Variants in FAM135A observed in about 807,000 individuals in gnomAD.
FAM135A encodes the protein family with sequence similarity 135 member A.
In FAM135A, 79 loss-of-function variants were observed where a neutral mutation model predicts 146.8. That is an observed-to-expected ratio of 0.54 (90% confidence interval 0.45 to 0.65). The LOEUF (loss-of-function observed/expected upper bound fraction) is 0.65. Ranked by LOEUF, FAM135A falls within the 30% of genes least tolerant of loss-of-function variation. The pLI, the probability that FAM135A is intolerant of heterozygous loss-of-function variation, is 0.00. For synonymous variants in FAM135A, 562 were observed against 603.6 expected (o/e 0.93, Z 1.01); for missense variants, 1,623 against 1,758.2 (o/e 0.92, Z 1.38).
Position 70,413,632 on chromosome 6 carries a change from C to A in FAM135A, c.-290C>A. The A allele has an allele frequency of 9.2e-6, 2 of 216,598 alleles. No homozygotes were observed. Among genetic ancestry groups the A allele is most frequent in the Non-Finnish European group, 1.6e-5 (2 of 126,472 alleles). 13.4% of individuals were successfully genotyped at this position (216,598 alleles called of 1,614,324 possible). ...CGGGATGGTGCTGACCCGGGTCGGG[C>A]CGTCTTCTTGCAGCTGGACAACGAG... On this transcript the variant is annotated 5_prime_UTR_variant, in exon 1 of 22. Transcript: ENST00000418814.
intron 5 of FAM135A, among the ~76,000 whole-genome samples, chr6:70,455,588 G>A (rs545095589): frequency 5.5e-4 from 84 of 152,068 alleles, no homozygotes; most frequent in South Asian, 1.5e-3. Context: ...AATAAAACAA[G>A]GTGACATGAC....
chr6:70,413,747 C>A (rs867021629), intron 1 of FAM135A, 45 bp downstream of exon 1: 14 of 957,746 alleles, frequency 1.5e-5, no homozygotes, highest in Non-Finnish European at 9.9e-6. Flanking sequence ...CTCCCGACAC[C>A]CACGACCCCT....
chr6:70,495,864 A>G (rs1016024472), intron 11 of FAM135A, among the ~76,000 whole-genome samples: 6 of 151,934 alleles, frequency 3.9e-5, no homozygotes, highest in African/African-American at 1.5e-4. Context: ...TTCAACTCCC[A>G]CTTATGAGTG....
At chr6:70,474,100 C>T (rs918974410) in intron 5 of FAM135A, among the ~76,000 whole-genome samples, 13 of 152,116 alleles carry the variant, frequency 8.5e-5, no homozygotes, top group African/African-American at 3.1e-4. Context: ...CAGGCCACCA[C>T]CCCATGTGGA....
chr6:70,524,187 A>G, intron 14 of FAM135A, 66 bp downstream of exon 14: 2 of 1,465,470 alleles, frequency 1.4e-6, no homozygotes, highest in African/African-American at 1.4e-5. Context: ...TTCCTAATAT[A>G]CATAAAACCA....
intron 8 of FAM135A, among the ~76,000 whole-genome samples, chr6:70,479,477 A>G (rs775746724): frequency 6.6e-6 from 1 of 152,182 alleles, no homozygotes; most frequent in Non-Finnish European, 1.5e-5. Context: ...ATGGGCCCTT[A>G]TATCTAACAC....
chr6:70,528,781 A>G (rs376215620), intron 16 of FAM135A, among the ~76,000 whole-genome samples: 21 of 151,958 alleles, frequency 1.4e-4, no homozygotes, highest in Admixed American at 1.1e-3. Flanking sequence ...TACACGTGCC[A>G]TGGTGGTTTG....
intron 4 of FAM135A, among the ~76,000 whole-genome samples, chr6:70,435,579 A>G (rs1038008802): frequency 6.6e-6 from 1 of 151,584 alleles, no homozygotes; most frequent in African/African-American, 2.4e-5. Context: ...GAGCGTAGTG[A>G]TGCAATGTCG....
chr6:70,447,684 T>C (rs899962328), intron 4 of FAM135A, among the ~76,000 whole-genome samples: 3 of 152,218 alleles, frequency 2.0e-5, no homozygotes, highest in Admixed American at 2.0e-4. Context: ...TTTCCCGAAA[T>C]CGGGTTCCCA....
intron 2 of FAM135A, among the ~76,000 whole-genome samples, chr6:70,418,173 C>T (rs1767958222): frequency 6.6e-6 from 1 of 152,120 alleles, no homozygotes; most frequent in Non-Finnish European, 1.5e-5. Context: ...CTACTAAGCT[C>T]ACCTTTGCTG....
chr6:70,442,052 A>C (rs1051885520), intron 4 of FAM135A, among the ~76,000 whole-genome samples: 4 of 152,164 alleles, frequency 2.6e-5, no homozygotes, highest in African/African-American at 7.2e-5. Flanking sequence ...GTTTAAGTTT[A>C]CAAGGATTTT....
At chr6:70,451,690 G>T (rs1476825260) in intron 4 of FAM135A, among the ~76,000 whole-genome samples, 1 of 151,868 alleles carries the variant, frequency 6.6e-6, no homozygotes, top group Non-Finnish European at 1.5e-5. Context: ...TGCCTTATTT[G>T]CAAATTTAAT....
chr6:70,419,722 C>T (rs895653960), intron 2 of FAM135A, among the ~76,000 whole-genome samples: 2 of 152,168 alleles, frequency 1.3e-5, no homozygotes, highest in Non-Finnish European at 2.9e-5. Flanking sequence ...TGTGAATCTG[C>T]TGTTCCTTCA....
At chr6:70,499,685 C>G (rs1039118448) in intron 11 of FAM135A, among the ~76,000 whole-genome samples, 3 of 152,138 alleles carry the variant, frequency 2.0e-5, no homozygotes, top group Non-Finnish European at 4.4e-5. Context: ...GTGACAAAAT[C>G]CCTCAGCATT....
At chr6:70,475,883 G>A in intron 7 of FAM135A, 150 bp downstream of exon 7, 1 of 636,264 alleles carries the variant, frequency 1.6e-6, no homozygotes, top group Non-Finnish European at 2.7e-6. Flanking sequence ...AGAATGATTA[G>A]GCCAGCTCTA....
At chr6:70,541,267 T>A (rs1478030164) in intron 20 of FAM135A, among the ~76,000 whole-genome samples, 3 of 152,138 alleles carry the variant, frequency 2.0e-5, no homozygotes. Flanking sequence ...TTTCTGAGAG[T>A]GTTGGGGGGT....
At chr6:70,506,448 C>T (rs1789784502) in intron 12 of FAM135A, among the ~76,000 whole-genome samples, 2 of 152,144 alleles carry the variant, frequency 1.3e-5, no homozygotes, top group South Asian at 4.1e-4. Context: ...TCTGTTATAA[C>T]ATGAAAGCAG....
intron 1 of FAM135A, chr6:70,414,032 C>T: frequency 3.0e-6 from 3 of 985,750 alleles, no homozygotes; most frequent in Non-Finnish European, 3.6e-6. Flanking sequence ...TTCACCCCTG[C>T]TCCATCTTCG....
intron 4 of FAM135A, among the ~76,000 whole-genome samples, chr6:70,436,391 G>A (rs567175681): frequency 1.1e-4 from 16 of 152,158 alleles, no homozygotes; most frequent in Middle Eastern, 3.4e-3. Context: ...TCTGTACTCC[G>A]CAATTTGTTT....
Sources: gnomAD v4.1 joint callset for allele counts (sites outside exome capture counted in the v4.1 genomes callset) on GRCh38, gnomAD v4.1.1 for gene constraint, MANE v1.5 for transcripts, NCBI Gene and HGNC (gene_info 2026-07-23, HGNC 2026-07-21) for gene names.